The following FMN2 variants were observed in gnomAD, a reference collection of about 807,000 sequenced individuals.
The protein encoded by FMN2 is formin-2.
FMN2 carries 51 observed loss-of-function variants against 142.3 expected under a neutral mutation model. The ratio of observed to expected loss-of-function variants is 0.36; its 90% CI spans 0.29 to 0.45. The LOEUF (loss-of-function observed/expected upper bound fraction) is 0.45. FMN2 is among the 20% of genes least tolerant of loss of function. The probability of loss-of-function intolerance (pLI) is 1.00; values close to 1 mark genes in which losing one functional copy is unlikely to be tolerated. For synonymous variants in FMN2, 882 were observed against 869.8 expected (o/e 1.01, Z -0.25); for missense variants, 1,936 against 2,122.8 (o/e 0.91, Z 1.73).
At chr1:240,252,641 G>C (rs141978505) in intron 6 of FMN2, among the ~76,000 whole-genome samples, 9 of 151,044 alleles carry the variant, frequency 6.0e-5, no homozygotes, top group South Asian at 2.1e-4. Flanking sequence ...CTGACGGGGG[G>C]GGTGGTTCTC....
At chr1:240,445,102 C>G (rs1243533943) in intron 16 of FMN2, among the ~76,000 whole-genome samples, 1 of 152,208 alleles carries the variant, frequency 6.6e-6, no homozygotes, top group African/African-American at 2.4e-5. Context: ...AGTCGACAAA[C>G]AGGACAGTCA....
chr1:240,222,348 T>C (rs1057125337), intron 6 of FMN2, among the ~76,000 whole-genome samples: 25 of 152,244 alleles, frequency 1.6e-4, no homozygotes, highest in African/African-American at 5.8e-4. Context: ...CATTGGTCTA[T>C]ATATCTGTTT....
chr1:240,168,020 T>C (rs1664550140), intron 2 of FMN2, among the ~76,000 whole-genome samples: 1 of 152,132 alleles, frequency 6.6e-6, no homozygotes, highest in Non-Finnish European at 1.5e-5. Flanking sequence ...CACCGCACTC[T>C]AGCCTGGGTG....
intron 14 of FMN2, among the ~76,000 whole-genome samples, chr1:240,381,539 C>G (rs935385526): frequency 1.3e-5 from 2 of 152,148 alleles, no homozygotes; most frequent in African/African-American, 4.8e-5. Context: ...AAGCGGTTCT[C>G]CTGCCTCAGC....
chr1:240,440,746 A>G (rs1350988499), intron 16 of FMN2, among the ~76,000 whole-genome samples: 1 of 152,222 alleles, frequency 6.6e-6, no homozygotes, highest in Non-Finnish European at 1.5e-5. Context: ...GGCAATTGAT[A>G]ACCAGTTTGC....
At position 240,265,663 on chromosome 1, in the gene FMN2, C is replaced by A. The variant is rs73117017; in HGVS notation, c.4153+7631C>A. On this transcript the variant is annotated intron_variant, in intron 7 of 17. Coordinates refer to ENST00000319653, the MANE Select transcript of FMN2 (RefSeq NM_020066.5). ...CTATGGCAGCCCAAGCTGTCCAAGA[C>A]AGATTTGAATCTCAGCTCTGCCACT... Among the ~76,000 whole-genome samples, 841 of 152,264 alleles carry A rather than the reference C, an allele frequency of 5.5e-3. 9 individuals are homozygous for A. The highest frequency in any genetic ancestry group is 0.019 in the African/African-American group (807 of 41,568).
chr1:240,254,401 G>A (rs1298807675), intron 6 of FMN2, among the ~76,000 whole-genome samples: 1 of 152,040 alleles, frequency 6.6e-6, no homozygotes, highest in Non-Finnish European at 1.5e-5. Context: ...GGTGAATGGG[G>A]CAGGGCCATT....
chr1:240,205,696 C>G lies in FMN2; in HGVS notation c.1987-1103C>G, dbSNP rs181176025. 2.2e-3 allele frequency among the ~76,000 whole-genome samples: 329 copies of G among 151,688 alleles called. 1 individual carries two copies. Among genetic ancestry groups the G allele is most frequent in the African/African-American group, 7.7e-3 (317 of 41,416 alleles). On this transcript the variant is annotated intron_variant, in intron 4 of 17. Coordinates refer to ENST00000319653, the MANE Select transcript of FMN2 (RefSeq NM_020066.5). ...CAGGATTGCCTCGATCTCCTGACCT[C>G]GTGATCCACCCGCCTCGGCCTCCCA... is the stretch of plus-strand genomic sequence containing the variant.
intron 14 of FMN2, among the ~76,000 whole-genome samples, chr1:240,368,104 T>A (rs2103065454): frequency 6.6e-6 from 1 of 152,326 alleles, no homozygotes; most frequent in Admixed American, 6.5e-5. Flanking sequence ...CCATTATTTA[T>A]CCTTATAACA....
intron 3 of FMN2, among the ~76,000 whole-genome samples, chr1:240,184,464 C>G (rs1159518954): frequency 6.7e-6 from 1 of 150,304 alleles, no homozygotes; most frequent in Admixed American, 6.6e-5. Flanking sequence ...GATCTGCCCG[C>G]CTCGGCCTCC....
chr1:240,118,658 T>C (rs1662117183), intron 1 of FMN2, among the ~76,000 whole-genome samples: 3 of 152,022 alleles, frequency 2.0e-5, no homozygotes. Context: ...TATGAGGCTG[T>C]GAGATGGGAA....
At chr1:240,153,888 G>T (rs1286283370) in intron 2 of FMN2, among the ~76,000 whole-genome samples, 1 of 151,884 alleles carries the variant, frequency 6.6e-6, no homozygotes, top group East Asian at 1.9e-4. Context: ...GGCCAAGGAG[G>T]GTGGATCACC....
At chr1:240,235,146 C>T (rs1408525805) in intron 6 of FMN2, among the ~76,000 whole-genome samples, 1 of 152,024 alleles carries the variant, frequency 6.6e-6, no homozygotes, top group East Asian at 1.9e-4. Flanking sequence ...TTTTTGGCTT[C>T]TAATTCAAAA....
chr1:240,336,582 A>AAAAAAAAAAAAAAAAAAAAAAAAAAG (rs144682452), intron 13 of FMN2, among the ~76,000 whole-genome samples: 3 of 101,842 alleles, frequency 2.9e-5, no homozygotes, highest in Admixed American at 1.2e-4. Flanking sequence ...AAAAAAAAAA[A>AAAAAAAAAAAAAAAAAAAAAAAAAAG]GGTGGTTGCA....
intron 13 of FMN2, among the ~76,000 whole-genome samples, chr1:240,335,639 G>A (rs1401715414): frequency 3.9e-5 from 6 of 152,120 alleles, no homozygotes; most frequent in Non-Finnish European, 2.9e-5. Flanking sequence ...ATAAAGGAGC[G>A]GAATGGGTGA....
chr1:240,395,320 C>T (rs993276924), intron 15 of FMN2, among the ~76,000 whole-genome samples: 1 of 152,190 alleles, frequency 6.6e-6, no homozygotes, highest in African/African-American at 2.4e-5. Flanking sequence ...AAGAGAATCA[C>T]GTTTCGATGC....
intron 2 of FMN2, chr1:240,144,037 G>C (rs1663316306): frequency 1.8e-6 from 2 of 1,126,978 alleles, no homozygotes; most frequent in East Asian, 4.7e-5. Context: ...CTATGCCACA[G>C]GCAAGAAGAA....
intron 6 of FMN2, among the ~76,000 whole-genome samples, chr1:240,215,136 A>G (rs1031783075): frequency 6.6e-6 from 1 of 152,192 alleles, no homozygotes; most frequent in Non-Finnish European, 1.5e-5. Flanking sequence ...TGATTTTGAT[A>G]ATAAGGGTTG....
At chr1:240,213,360 GTCT>G (rs1311455123) in intron 6 of FMN2, among the ~76,000 whole-genome samples, 8 of 152,148 alleles carry the variant, frequency 5.3e-5, no homozygotes, top group Non-Finnish European at 1.0e-4. Flanking sequence ...CTTGGCCTGG[GTCT>G]TGGTGCTGAG....
Sources: allele counts gnomAD v4.1 joint callset (sites outside exome capture counted in the v4.1 genomes callset), GRCh38; gene constraint gnomAD v4.1.1; transcripts MANE v1.5; gene names NCBI Gene and HGNC (gene_info 2026-07-23, HGNC 2026-07-21).